NAPB: variants seen among roughly 807,000 people sequenced by gnomAD.
The protein encoded by NAPB is beta-soluble NSF attachment protein.
NAPB carries 26 observed loss-of-function variants against 44.7 expected under a neutral mutation model. The ratio of observed to expected loss-of-function variants is 0.58; its 90% confidence interval spans 0.43 to 0.81. The LOEUF (loss-of-function observed/expected upper bound fraction) is 0.81. NAPB is among the 30% of genes least tolerant of loss of function. The probability of loss-of-function intolerance (pLI) is 0.00; values close to 1 mark genes in which losing one functional copy is unlikely to be tolerated. For missense variants in NAPB, 315 were observed against 356.4 expected (o/e 0.88, Z 0.94); for synonymous variants, 120 against 116.8 (o/e 1.03, Z -0.18).
chr20:23,410,013 C>A (rs930348225), intron 1 of NAPB, among the ~76,000 whole-genome samples: 2 of 152,178 alleles, frequency 1.3e-5, no homozygotes, highest in African/African-American at 4.8e-5. Context: ...CAGGTTAGAG[C>A]ACTGCAGTTG....
intron 1 of NAPB, among the ~76,000 whole-genome samples, chr20:23,406,040 G>T (rs1394127243): frequency 6.6e-6 from 1 of 152,180 alleles, no homozygotes; most frequent in Non-Finnish European, 1.5e-5. Flanking sequence ...TCTCATGAAT[G>T]TATTAAGGCC....
At chr20:23,390,408 A>T in intron 5 of NAPB, 144 bp from the exon 6 acceptor site, 1 of 681,426 alleles carries the variant, frequency 1.5e-6, no homozygotes, top group East Asian at 2.7e-5. Context: ...TAGGAAATAC[A>T]AGAAAGCATG....
At chr20:23,403,846 G>A (rs182321888) in intron 1 of NAPB, among the ~76,000 whole-genome samples, 7 of 152,232 alleles carry the variant, frequency 4.6e-5, no homozygotes, top group Admixed American at 2.6e-4. Flanking sequence ...CAGAAGCCAC[G>A]TCTTATGAGA....
chr20:23,405,888 G>C (rs1985217492), intron 1 of NAPB, among the ~76,000 whole-genome samples: 1 of 152,216 alleles, frequency 6.6e-6, no homozygotes, highest in East Asian at 1.9e-4. Context: ...AATTTTTAGA[G>C]ACAGAAAACA....
chr20:23,404,331 C>A (rs1985081495), intron 1 of NAPB, among the ~76,000 whole-genome samples: 1 of 152,174 alleles, frequency 6.6e-6, no homozygotes, highest in Admixed American at 6.5e-5. Flanking sequence ...AAGGCTGACA[C>A]TGGATGCTGG....
rs1181497980 is a variant in NAPB, at chr20:23,376,032, C to T, written c.*1344G>A. 2.6e-5 allele frequency: 4 copies of T among 152,340 alleles called. No individual in the cohort carries two copies. The East Asian group carries it at 5.8e-4, about 22-fold the overall frequency. The allele number at this position is 152,340 out of a possible 1,614,324, so 9.4% of individuals were successfully genotyped here. A position where few individuals can be genotyped will look rare whatever the true frequency, so the allele number is the denominator to read the frequency against. On this transcript the variant is annotated 3_prime_UTR_variant, in exon 11 of 11. Transcript: ENST00000377026. ...CAAAAATGAAAACATCATTCCAATACTACTTACTACTACCTGACATAACAT... is the reference window on the plus strand; with the variant it reads ...CAAAAATGAAAACATCATTCCAATATTACTTACTACTACCTGACATAACAT...
chr20:23,398,878 T>G (rs1311536772), intron 2 of NAPB, among the ~76,000 whole-genome samples: 1 of 147,836 alleles, frequency 6.8e-6, no homozygotes, highest in Non-Finnish European at 1.5e-5. Context: ...TTTTTTTTTT[T>G]GTAGAGACAG....
intron 7 of NAPB, among the ~76,000 whole-genome samples, chr20:23,387,370 C>G (rs1347276762): frequency 6.6e-6 from 1 of 152,198 alleles, no homozygotes. Flanking sequence ...CTATTCAACA[C>G]TGCACTGGAG....
At chr20:23,414,560 C>G (rs927800628) in intron 1 of NAPB, among the ~76,000 whole-genome samples, 1 of 152,170 alleles carries the variant, frequency 6.6e-6, no homozygotes. Flanking sequence ...AATTGACAGA[C>G]AAGTCCTCAC....
chr20:23,410,677 T>A (rs1985592063), intron 1 of NAPB, among the ~76,000 whole-genome samples: 1 of 151,716 alleles, frequency 6.6e-6, no homozygotes, highest in Non-Finnish European at 1.5e-5. Flanking sequence ...ACCCCCTGAC[T>A]CTAAAATAAA....
chr20:23,383,156 C>CAA (rs34238446), intron 7 of NAPB, among the ~76,000 whole-genome samples: 1,778 of 75,654 alleles, frequency 0.024, 29 homozygotes, highest in East Asian at 0.049. Context: ...GACTCGGTCT[C>CAA]AAAAAAAAAA....
At chr20:23,409,940 A>C (rs917203384) in intron 1 of NAPB, among the ~76,000 whole-genome samples, 4 of 152,168 alleles carry the variant, frequency 2.6e-5, no homozygotes, top group Admixed American at 1.3e-4. Flanking sequence ...CCAGGGAAGA[A>C]CTCTCAGCAA....
rs187384188 is a variant in NAPB at position 23,404,016 on chromosome 20, C to A, written c.99-944G>T. ...ACACCCTGAGAGAAGGGTACCTCCACTGTTGCTTGGACATATACAGTTCTG... is the reference window on the plus strand; with the variant it reads ...ACACCCTGAGAGAAGGGTACCTCCAATGTTGCTTGGACATATACAGTTCTG... On this transcript the variant is annotated intron_variant, in intron 1 of 10. Coordinates refer to ENST00000377026, the MANE Select transcript of NAPB (RefSeq NM_022080.3). 3.7e-4 allele frequency among the ~76,000 whole-genome samples: 57 copies of A among 152,296 alleles called. 1 individual carries two copies. The highest frequency in any genetic ancestry group is 1.3e-3 in the Admixed American group (20 of 15,300).
rs79614130 is a variant in NAPB at position 23,417,780 on chromosome 20, C to T, written c.98+3525G>A. Among the ~76,000 whole-genome samples the T allele has an allele frequency of 7.9e-3, 1,197 of 152,086 alleles. 20 individuals carry two copies. The highest frequency in any genetic ancestry group is 0.027 in the African/African-American group (1,102 of 41,510). On this transcript the variant is annotated intron_variant, in intron 1 of 10. Transcript: ENST00000377026. ...GTGGTTTCCTGCAATGTTTGCATCCCTTGTCAGCTCTTTTCCTGGGGAGGA... is the reference window on the plus strand; with the variant it reads ...GTGGTTTCCTGCAATGTTTGCATCCTTTGTCAGCTCTTTTCCTGGGGAGGA...
chr20:23,409,509 C>T (rs1985499809), intron 1 of NAPB, among the ~76,000 whole-genome samples: 1 of 152,102 alleles, frequency 6.6e-6, no homozygotes, highest in Non-Finnish European at 1.5e-5. Flanking sequence ...ACAAAACAAA[C>T]ATATTTAAAT....
Position 23,421,485 on chromosome 20 carries a change from G to A in NAPB, c.-83C>T. The A allele has an allele frequency of 4.7e-6, 6 of 1,281,654 alleles. No homozygotes were observed. The highest frequency in any genetic ancestry group is 6.4e-6 in the Non-Finnish European group (6 of 942,006). 79.4% of individuals were successfully genotyped at this position (1,281,654 alleles called of 1,614,324 possible). A position where few individuals can be genotyped will look rare whatever the true frequency, so the allele number is the denominator to read the frequency against. Reference sequence around the variant, plus strand: ...TTAACCCTCCCTCTGGCGGCCGCAGGGACGCAGGCGCAGGCGCGACGCGCG... The same window carrying A: ...TTAACCCTCCCTCTGGCGGCCGCAGAGACGCAGGCGCAGGCGCGACGCGCG... On this transcript the variant is annotated 5_prime_UTR_variant, in exon 1 of 11. Transcript: ENST00000377026.
intron 10 of NAPB, among the ~76,000 whole-genome samples, chr20:23,377,778 TG>T (rs1162026546): frequency 6.6e-6 from 1 of 151,992 alleles, no homozygotes; most frequent in Non-Finnish European, 1.5e-5. Flanking sequence ...CAAAAGTAAC[TG>T]GATATTGTAT....
intron 10 of NAPB, chr20:23,379,151 G>C (rs576937921): frequency 2.1e-5 from 6 of 281,246 alleles, no homozygotes; most frequent in African/African-American, 1.1e-4. Flanking sequence ...TTATGGGTCA[G>C]ATTATTTTCA....
chr20:23,392,083 T>C (rs1394474373), intron 5 of NAPB, among the ~76,000 whole-genome samples: 1 of 152,246 alleles, frequency 6.6e-6, no homozygotes, highest in Non-Finnish European at 1.5e-5. Flanking sequence ...ACTTAGCATC[T>C]GTTACTGAGC....
Sources: gnomAD v4.1 joint callset for allele counts (sites outside exome capture counted in the v4.1 genomes callset) on GRCh38, gnomAD v4.1.1 for gene constraint, MANE v1.5 for transcripts, NCBI Gene and HGNC (gene_info 2026-07-23, HGNC 2026-07-21) for gene names.